The following DGKB variants were observed in gnomAD, a reference collection of about 807,000 sequenced individuals.
The protein encoded by DGKB is diacylglycerol kinase beta.
A neutral mutation model predicts 114.3 loss-of-function variants in DGKB; 67 were observed. That is an observed-to-expected ratio of 0.59 (90% CI 0.48 to 0.72). The LOEUF (loss-of-function observed/expected upper bound fraction) is 0.72, where lower values mean the gene tolerates loss of function less well. Among genes scored for constraint, DGKB ranks in the 30% least tolerant of loss-of-function variants. The probability of loss-of-function intolerance (pLI) is 0.00; values close to 1 mark genes in which losing one functional copy is unlikely to be tolerated. For missense variants in DGKB, 907 were observed against 975.2 expected, an observed-to-expected ratio of 0.93 and a Z score of 0.93; for synonymous variants, 398 against 323.1, an observed-to-expected ratio of 1.23 and a Z score of -2.49.
intron 1 of DGKB, among the ~76,000 whole-genome samples, chr7:14,882,147 A>G (rs1255703769): frequency 1.3e-5 from 2 of 152,048 alleles, no homozygotes; most frequent in Admixed American, 1.3e-4. Context: ...AGAGTAGGAA[A>G]ATTTGGAGTT....
chr7:14,630,231 C>G lies in DGKB; in HGVS notation c.1167+5G>C. The G allele has an allele frequency of 6.5e-7, 1 of 1,545,476 alleles. No individual in the cohort carries two copies. On this transcript the variant is annotated splice_donor_5th_base_variant and intron_variant, in intron 14 of 25. Coordinates refer to ENST00000402815, the MANE Select transcript of DGKB (RefSeq NM_001350709.2). ...AAGTGTGAAAACCTGTTTTTGCTTA[C>G]GCACCTCAGGAACTGAAACTCCTGA... is the stretch of plus-strand genomic sequence containing the variant.
chr7:14,313,318 G>A (rs1366176460), intron 23 of DGKB, among the ~76,000 whole-genome samples: 1 of 152,138 alleles, frequency 6.6e-6, no homozygotes, highest in African/African-American at 2.4e-5. Context: ...CCCAGCCTGA[G>A]CGACGCAGAA....
chr7:14,603,523 G>A (rs1010847698), intron 17 of DGKB, among the ~76,000 whole-genome samples: 2 of 152,022 alleles, frequency 1.3e-5, no homozygotes, highest in African/African-American at 2.4e-5. Context: ...AGAAGATAAT[G>A]AAATCTGTGA....
Position 14,686,923 on chromosome 7 carries a change from A to G in DGKB, c.712-1561T>C, listed in dbSNP as rs573664731. On this transcript the variant is annotated intron_variant, in intron 9 of 25. Coordinates refer to ENST00000402815, the MANE Select transcript of DGKB (RefSeq NM_001350709.2). Reference sequence around the variant, plus strand: ...GTAACAAACAGCCTAGCCTTGGACAATAGAGACATGTCTCCCTCCAGAGGA... The same window carrying G: ...GTAACAAACAGCCTAGCCTTGGACAGTAGAGACATGTCTCCCTCCAGAGGA... Among the ~76,000 whole-genome samples, 7 of 152,260 alleles carry G rather than the reference A, an allele frequency of 4.6e-5. No individual in the cohort carries two copies. The East Asian group carries it at 9.7e-4, about 21-fold the overall frequency.
chr7:14,418,354 CAT>C (rs1446314300), intron 21 of DGKB, among the ~76,000 whole-genome samples: 15 of 124,560 alleles, frequency 1.2e-4, no homozygotes, highest in East Asian at 8.7e-4. Flanking sequence ...CATATATTCA[CAT>C]ATATATGTGT....
intron 4 of DGKB, chr7:14,750,057 A>G (rs891146575): frequency 4.0e-6 from 2 of 497,914 alleles, no homozygotes; most frequent in African/African-American, 3.9e-5. Flanking sequence ...TGCACTAAAT[A>G]TGTTATATGT....
intron 20 of DGKB, among the ~76,000 whole-genome samples, chr7:14,511,385 C>T (rs1787954801): frequency 6.6e-6 from 1 of 152,192 alleles, no homozygotes; most frequent in Non-Finnish European, 1.5e-5. Flanking sequence ...TTCCTTAAAA[C>T]TCAAGAACCA....
intron 13 of DGKB, among the ~76,000 whole-genome samples, chr7:14,652,318 C>G (rs2128902097): frequency 6.6e-6 from 1 of 152,232 alleles, no homozygotes; most frequent in East Asian, 1.9e-4. Flanking sequence ...ATTAATGGAA[C>G]AGAACAGAGC....
intron 25 of DGKB, among the ~76,000 whole-genome samples, chr7:14,155,230 A>T (rs1216324897): frequency 6.6e-6 from 1 of 152,134 alleles, no homozygotes; most frequent in Non-Finnish European, 1.5e-5. Flanking sequence ...ACATGAAAAC[A>T]AATATCCTAA....
intron 25 of DGKB, among the ~76,000 whole-genome samples, chr7:14,158,702 T>C (rs1472195048): frequency 2.6e-5 from 4 of 152,200 alleles, no homozygotes; most frequent in African/African-American, 9.6e-5. Context: ...AACAATGTGC[T>C]TAAGGCATTG....
chr7:14,503,990 A>G (rs1453153883), intron 20 of DGKB, among the ~76,000 whole-genome samples: 7 of 152,214 alleles, frequency 4.6e-5, no homozygotes, highest in African/African-American at 1.4e-4. Context: ...CTGTGTAAGC[A>G]CTAAAACAAA....
At chr7:14,660,297 CA>C (rs1241805700) in intron 13 of DGKB, among the ~76,000 whole-genome samples, 2 of 151,676 alleles carry the variant, frequency 1.3e-5, no homozygotes, top group Non-Finnish European at 1.5e-5. Flanking sequence ...GGAATAGTTT[CA>C]GAAGGAATGG....
intron 1 of DGKB, among the ~76,000 whole-genome samples, chr7:14,863,501 T>C (rs1001523723): frequency 6.6e-6 from 1 of 151,916 alleles, no homozygotes; most frequent in African/African-American, 2.4e-5. Flanking sequence ...CACTTTAATA[T>C]AGGAGAAAGT....
rs950961154 is a variant in DGKB, at chr7:14,279,310, C to T, written c.2122+59205G>A. On this transcript the variant is annotated intron_variant, in intron 23 of 25. Coordinates refer to ENST00000402815, the MANE Select transcript of DGKB (RefSeq NM_001350709.2). ...GGCGGCAGCCAGGCGGGGGGAGGGGCGCCCACCATTGCCCAGGCTTGATTA... is the reference window on the plus strand; with the variant it reads ...GGCGGCAGCCAGGCGGGGGGAGGGGTGCCCACCATTGCCCAGGCTTGATTA... Among the ~76,000 whole-genome samples, 250 of 152,264 alleles carry T rather than the reference C, an allele frequency of 1.6e-3. 2 individuals are homozygous for T. Among genetic ancestry groups the T allele is most frequent in the African/African-American group, 5.7e-3 (238 of 41,558 alleles).
At chr7:14,876,278 G>A (rs1167661225) in intron 1 of DGKB, among the ~76,000 whole-genome samples, 2 of 152,152 alleles carry the variant, frequency 1.3e-5, no homozygotes. Flanking sequence ...TAATCTACAT[G>A]TAATTAAAGG....
At chr7:14,672,443 T>C (rs1819115619) in intron 13 of DGKB, among the ~76,000 whole-genome samples, 1 of 152,108 alleles carries the variant, frequency 6.6e-6, no homozygotes, top group Non-Finnish European at 1.5e-5. Flanking sequence ...TTAAATTTAT[T>C]GTTCAATAAA....
At chr7:14,774,793 C>G (rs1231025491) in intron 2 of DGKB, among the ~76,000 whole-genome samples, 1 of 152,110 alleles carries the variant, frequency 6.6e-6, no homozygotes, top group Non-Finnish European at 1.5e-5. Flanking sequence ...TTTTAGAATT[C>G]TCTAATTTCT....
intron 1 of DGKB, among the ~76,000 whole-genome samples, chr7:14,934,360 G>T (rs1038527122): frequency 6.6e-6 from 1 of 152,048 alleles, no homozygotes; most frequent in Non-Finnish European, 1.5e-5. Flanking sequence ...TTTGTAATAT[G>T]AATTACAAGT....
intron 2 of DGKB, among the ~76,000 whole-genome samples, chr7:14,819,955 C>T (rs1019387460): frequency 5.9e-5 from 9 of 152,064 alleles, no homozygotes; most frequent in African/African-American, 1.9e-4. Context: ...TTTTTAACAG[C>T]CACCCTCCGC....
Sources: allele counts gnomAD v4.1 joint callset (sites outside exome capture counted in the v4.1 genomes callset), GRCh38; gene constraint gnomAD v4.1.1; transcripts MANE v1.5; gene names NCBI Gene and HGNC (gene_info 2026-07-23, HGNC 2026-07-21).